Variants in VWA3B observed in about 807,000 individuals in gnomAD.
VWA3B encodes the protein von Willebrand factor A domain containing 3B, also known as von Willebrand factor A domain-containing protein 3B.
A neutral mutation model predicts 158.3 loss-of-function variants in VWA3B; 138 were observed. The observed-to-expected ratio is 0.87, with a 90% confidence interval of 0.76 to 1.00. The LOEUF is 1.00. Ranked by LOEUF, VWA3B falls within the 50% of genes least tolerant of loss-of-function variation. VWA3B has a pLI of 0.00. For missense variants in VWA3B, 1,555 were observed against 1,565.1 expected (o/e 0.99, Z 0.11); for synonymous variants, 596 against 587.3 (o/e 1.01, Z -0.21).
chr2:98,285,061 A>G (rs1197974220), intron 22 of VWA3B, among the ~76,000 whole-genome samples: 1 of 152,188 alleles, frequency 6.6e-6, no homozygotes, highest in Non-Finnish European at 1.5e-5. Context: ...TATAATTTGT[A>G]CCCTCATGAA....
rs527977815 is a variant in VWA3B, at chr2:98,109,013, A to G, written c.197-6639A>G. ...TCTTTTCTTTTTTTTTTTTTTTGAG[A>G]CAGAGTTTTGCTCTTGTTGCCTAGG... is the stretch of plus-strand genomic sequence containing the variant. On this transcript the variant is annotated intron_variant, in intron 2 of 27. Coordinates refer to ENST00000477737, the MANE Select transcript of VWA3B (RefSeq NM_144992.5). Among the ~76,000 whole-genome samples the G allele has an allele frequency of 2.8e-4, 37 of 131,152 alleles. 1 individual carries two copies. In the South Asian group the frequency reaches 7.5e-3, roughly 27 times the overall value. The allele number at this position is 131,152 out of a possible 152,430, so 86.0% of individuals were successfully genotyped here. A position where few individuals can be genotyped will look rare whatever the true frequency, so the allele number is the denominator to read the frequency against.
At chr2:98,316,535 T>C (rs894555492), downstream of VWA3B, among the ~76,000 whole-genome samples, 9 of 151,844 alleles carry the variant, frequency 5.9e-5, no homozygotes, top group African/African-American at 2.2e-4. Context: ...TCTCAGCTAC[T>C]TGGGGTGGGG....
At chr2:98,316,935 C>T (rs1181677040), downstream of VWA3B, among the ~76,000 whole-genome samples, 1 of 152,180 alleles carries the variant, frequency 6.6e-6, no homozygotes. Flanking sequence ...GCTTCCTGTA[C>T]ATCCTGCGGA....
intron 22 of VWA3B, among the ~76,000 whole-genome samples, chr2:98,274,666 C>G (rs1048608698): frequency 3.3e-5 from 5 of 152,116 alleles, no homozygotes; most frequent in Admixed American, 6.5e-5. Flanking sequence ...GGAACTTATG[C>G]CTGTAGGAAA....
At chr2:98,173,706 G>T (rs571849431) in intron 8 of VWA3B, among the ~76,000 whole-genome samples, 1 of 152,164 alleles carries the variant, frequency 6.6e-6, no homozygotes, top group Non-Finnish European at 1.5e-5. Flanking sequence ...AGTGGCTCAC[G>T]CCTGTAATCC....
intron 12 of VWA3B, among the ~76,000 whole-genome samples, chr2:98,202,892 G>C (rs1054985829): frequency 9.9e-5 from 15 of 152,110 alleles, no homozygotes; most frequent in African/African-American, 2.9e-4. Context: ...GACTGCAGTG[G>C]CATGATCTCG....
intron 19 of VWA3B, among the ~76,000 whole-genome samples, chr2:98,247,791 G>A (rs1686496583): frequency 6.6e-6 from 1 of 152,020 alleles, no homozygotes; most frequent in Admixed American, 6.5e-5. Flanking sequence ...TTTTTGATCT[G>A]AGGACTTATT....
intron 25 of VWA3B, among the ~76,000 whole-genome samples, chr2:98,302,091 C>T (rs1445785820): frequency 1.3e-5 from 2 of 152,126 alleles, no homozygotes; most frequent in African/African-American, 4.8e-5. Context: ...CCAGTGTGGC[C>T]CCAGCCGGCT....
chr2:98,207,666 C>CA (rs1417517069), intron 12 of VWA3B: 1 of 440,518 alleles, frequency 2.3e-6, no homozygotes, highest in Non-Finnish European at 4.4e-6. Flanking sequence ...AACGGGCCTT[C>CA]AGTGATGGAA....
chr2:98,194,068 A>G (rs1185188963), intron 11 of VWA3B, among the ~76,000 whole-genome samples: 1 of 152,208 alleles, frequency 6.6e-6, no homozygotes, highest in African/African-American at 2.4e-5. Flanking sequence ...TGTTAGTATT[A>G]AAATCAATAT....
intron 20 of VWA3B, among the ~76,000 whole-genome samples, chr2:98,255,075 G>A (rs1343700444): frequency 3.3e-5 from 5 of 151,216 alleles, no homozygotes; most frequent in South Asian, 2.1e-4. Flanking sequence ...GTGCAGTGGC[G>A]TGATCTCGGC....
intron 9 of VWA3B, among the ~76,000 whole-genome samples, chr2:98,187,479 C>T (rs766064852): frequency 6.6e-6 from 1 of 152,052 alleles, no homozygotes; most frequent in Non-Finnish European, 1.5e-5. Flanking sequence ...AAAGAGGATT[C>T]ATGAGAATCT....
intron 5 of VWA3B, among the ~76,000 whole-genome samples, chr2:98,123,003 C>G (rs1385622043): frequency 6.6e-6 from 1 of 152,180 alleles, no homozygotes; most frequent in Non-Finnish European, 1.5e-5. Context: ...GGGGTGGTCT[C>G]AAGGAAAATT....
At chr2:98,309,148 C>T (rs1396794592) in intron 26 of VWA3B, among the ~76,000 whole-genome samples, 46 of 140,884 alleles carry the variant, frequency 3.3e-4, no homozygotes, top group Middle Eastern at 7.8e-3. Flanking sequence ...CCAGCCTGGG[C>T]GACAGAGCGA....
chr2:98,114,495 C>G (rs1044954631), intron 2 of VWA3B, among the ~76,000 whole-genome samples: 1 of 152,160 alleles, frequency 6.6e-6, no homozygotes, highest in Admixed American at 6.5e-5. Context: ...GGGGAGCAAG[C>G]CTGGCCAGGG....
chr2:98,123,890 T>C (rs191159267), intron 5 of VWA3B, among the ~76,000 whole-genome samples: 1 of 152,130 alleles, frequency 6.6e-6, no homozygotes, highest in African/African-American at 2.4e-5. Flanking sequence ...GACCAAGGGG[T>C]TTTGCTTCTC....
At position 98,250,415 on chromosome 2, in the gene VWA3B, A is replaced by G. The variant is rs1348010970; in HGVS notation, c.2771A>G (p.Gln924Arg). 11 of 1,611,632 alleles carry G rather than the reference A, an allele frequency of 6.8e-6. No individual in the cohort carries two copies. The Admixed American group carries it at 1.8e-4, about 27-fold the overall frequency. Residue 924 changes from glutamine (Q) to arginine (R), a missense_variant, in exon 20 of 28, where the codon CAG (glutamine) becomes CGG (arginine). Coordinates refer to ENST00000477737, the MANE Select transcript of VWA3B (RefSeq NM_144992.5). ...AATATCTACAAGCGAAAAGTGGAAC[A>G]GGCAATTCAATCCTATGAAAAGTGA... The part of the protein sequence containing the change: ...KLNIYKRKVE[Q>R]AIQSYEKRLN...
chr2:98,175,595 T>C (rs957349304), intron 8 of VWA3B, among the ~76,000 whole-genome samples: 1 of 151,980 alleles, frequency 6.6e-6, no homozygotes, highest in Admixed American at 6.5e-5. Flanking sequence ...ACCATAAACA[T>C]AACAACATGT....
intron 23 of VWA3B, among the ~76,000 whole-genome samples, chr2:98,297,273 G>A (rs1342432505): frequency 1.3e-5 from 2 of 151,802 alleles, no homozygotes; most frequent in African/African-American, 4.8e-5. Flanking sequence ...GTAGAGACGG[G>A]GTTTCACCAT....
Sources: gnomAD v4.1 joint callset for allele counts (sites outside exome capture counted in the v4.1 genomes callset) on GRCh38, gnomAD v4.1.1 for gene constraint, MANE v1.5 for transcripts, NCBI Gene and HGNC (gene_info 2026-07-23, HGNC 2026-07-21) for gene names.